HMGXB4: variants seen among roughly 807,000 people sequenced by gnomAD.
HMGXB4 encodes HMG-box containing 4.
A neutral mutation model predicts 63.9 loss-of-function variants in HMGXB4; 27 were observed. The ratio of observed to expected loss-of-function variants is 0.42; its 90% CI spans 0.31 to 0.58. The LOEUF is 0.58. Ranked by LOEUF, HMGXB4 falls within the 20% of genes least tolerant of loss-of-function variation. The pLI is 0.13. For missense variants in HMGXB4, 624 were observed against 700.7 expected, an observed-to-expected ratio of 0.89 and a Z score of 1.24; for synonymous variants, 264 against 265.3, an observed-to-expected ratio of 0.99 and a Z score of 0.05.
chr22:35,287,461 C>G lies in HMGXB4; in HGVS notation c.1468+9C>G. On this transcript the variant is annotated intron_variant, in intron 8 of 10. Transcript: ENST00000216106. ...TTCCATGAAAGTCAAAGGTAGTGAC[C>G]ACATCCCGCCCCTGCTTTTCTCTAA... 6.3e-7 allele frequency: 1 copy of G among 1,578,822 alleles called. No individual in the cohort carries two copies. The highest frequency in any genetic ancestry group is 8.7e-7 in the Non-Finnish European group (1 of 1,149,488).
At position 35,262,384 on chromosome 22, in the gene HMGXB4, GACC is replaced by G; in HGVS notation, c.-2_1del. 2 of 1,613,922 alleles carry G rather than the reference GACC, an allele frequency of 1.2e-6. No homozygotes were observed. Among genetic ancestry groups the G allele is most frequent in the Non-Finnish European group, 1.7e-6 (2 of 1,179,844 alleles). ...TGACACATTCTCAAAGGCCCTGCAG[GACC>G]ACCATGGCTTATGATGACTCCGTGA... On this transcript the variant is annotated 5_prime_UTR_variant, in exon 2 of 11. Transcript: ENST00000216106.
the HMGXB4 span, among the ~76,000 whole-genome samples, chr22:35,251,364 C>T: frequency 2.6e-5 from 4 of 152,148 alleles, no homozygotes; most frequent in South Asian, 4.1e-4. Context: ...CATAAGCCAC[C>T]GCGCCCGGCC....
At chr22:35,268,188 T>C (rs925025948) in intron 5 of HMGXB4, among the ~76,000 whole-genome samples, 3 of 152,228 alleles carry the variant, frequency 2.0e-5, no homozygotes, top group Admixed American at 2.0e-4. Context: ...TCTATCAAGA[T>C]ACAGACATTA....
chr22:35,254,905 G>T (rs188128687), upstream of HMGXB4, among the ~76,000 whole-genome samples: 58 of 152,270 alleles, frequency 3.8e-4, no homozygotes, highest in Admixed American at 1.5e-3. Context: ...ACTAAAAGAA[G>T]AAATGGGACC....
intron 3 of HMGXB4, 148 bp from the exon 4 acceptor site, chr22:35,263,648 A>C (rs1923009458): frequency 1.6e-6 from 1 of 644,308 alleles, no homozygotes. Flanking sequence ...TAATAACTTG[A>C]GAAAAGAAAA....
At chr22:35,263,915 C>T (rs1923030761) in intron 4 of HMGXB4, 41 bp downstream of exon 4, 4 of 1,600,966 alleles carry the variant, frequency 2.5e-6, no homozygotes, top group Non-Finnish European at 3.4e-6. Flanking sequence ...AAACACATCG[C>T]TGGTTCTTGG....
At chr22:35,285,847 G>A in intron 6 of HMGXB4, 150 bp from the exon 7 acceptor site, 1 of 589,508 alleles carries the variant, frequency 1.7e-6, no homozygotes, top group South Asian at 2.2e-5. Flanking sequence ...TCAAAGAAGA[G>A]TGATGGGATT....
At chr22:35,243,983 T>C in the HMGXB4 span, among the ~76,000 whole-genome samples, 6 of 152,058 alleles carry the variant, frequency 3.9e-5, no homozygotes, top group African/African-American at 9.7e-5. Flanking sequence ...GCTTTCAAGG[T>C]TTTTTTTGTA....
chr22:35,271,138 T>C (rs1336692336), intron 5 of HMGXB4, among the ~76,000 whole-genome samples: 1 of 151,764 alleles, frequency 6.6e-6, no homozygotes, highest in African/African-American at 2.4e-5. Flanking sequence ...GGCAAGCACC[T>C]GAGTTTCAGC....
intron 5 of HMGXB4, among the ~76,000 whole-genome samples, chr22:35,270,622 G>C (rs1400856946): frequency 6.6e-6 from 1 of 152,180 alleles, no homozygotes; most frequent in Non-Finnish European, 1.5e-5. Context: ...ACATAAATGA[G>C]TCTAAGAAAT....
At chr22:35,244,980 C>G in the HMGXB4 span, among the ~76,000 whole-genome samples, 1 of 152,182 alleles carries the variant, frequency 6.6e-6, no homozygotes, top group African/African-American at 2.4e-5. Context: ...CAAGGCGATT[C>G]TCCTGCCTCA....
chr22:35,256,363 A>C (rs965529829), upstream of HMGXB4, among the ~76,000 whole-genome samples: 3 of 152,310 alleles, frequency 2.0e-5, no homozygotes, highest in Middle Eastern at 3.4e-3. Flanking sequence ...TCTAGAAGCC[A>C]ATCTACATCT....
At chr22:35,247,915 G>A in the HMGXB4 span, among the ~76,000 whole-genome samples, 1 of 152,112 alleles carries the variant, frequency 6.6e-6, no homozygotes, top group Non-Finnish European at 1.5e-5. Context: ...TCTGAGAAAT[G>A]CATCATTAGG....
intron 5 of HMGXB4, among the ~76,000 whole-genome samples, chr22:35,283,394 T>G (rs1924380222): frequency 6.6e-6 from 1 of 152,174 alleles, no homozygotes; most frequent in South Asian, 2.1e-4. Flanking sequence ...GGATTGTATA[T>G]AGGGAGAAGG....
chr22:35,263,120 C>T lies in HMGXB4; in HGVS notation c.74C>T (p.Ala25Val), dbSNP rs375108602. 9 of 1,613,744 alleles carry T rather than the reference C, an allele frequency of 5.6e-6. No homozygotes were observed. Among genetic ancestry groups the T allele is most frequent in the Non-Finnish European group, 6.8e-6 (8 of 1,179,870 alleles). The change falls in exon 3 of 11, where the codon GCA becomes GTA. Residue 25 changes from alanine (A) to valine (V), a missense_variant. Coordinates refer to ENST00000216106, the MANE Select transcript of HMGXB4 (RefSeq NM_001003681.3). ...CATACCTTTGAGGACATAGGACTTG[C>T]AGCTGGCCGAAGCCAACGAGAGAAA... ...GDHTFEDIGL[A>V]AGRSQREKKR...
chr22:35,293,530 C>T (rs1381730351), intron 10 of HMGXB4, 77 bp from the exon 11 acceptor site: 1 of 957,192 alleles, frequency 1.0e-6, no homozygotes, highest in African/African-American at 1.6e-5. Flanking sequence ...TCTTATCTCT[C>T]TCCTTGAACA....
At chr22:35,245,470 A>G in the HMGXB4 span, among the ~76,000 whole-genome samples, 1 of 151,706 alleles carries the variant, frequency 6.6e-6, no homozygotes, top group Non-Finnish European at 1.5e-5. Context: ...TTGCTCACTG[A>G]AGTATCTTTA....
At chr22:35,293,161 G>C (rs1269662843) in intron 10 of HMGXB4, 47 bp downstream of exon 10, 4 of 1,611,370 alleles carry the variant, frequency 2.5e-6, no homozygotes, top group African/African-American at 1.3e-5. Flanking sequence ...GGGCGTCAGA[G>C]ATGCCCTGCC....
Position 35,263,097 on chromosome 22 carries a change from T to C in HMGXB4, c.51T>C (p.His17=). 6.2e-7 allele frequency: 1 copy of C among 1,613,784 alleles called. No individual in the cohort carries two copies. The highest frequency in any genetic ancestry group is 1.3e-5 in the African/African-American group (1 of 74,990). Reference sequence around the variant, plus strand: ...TCTCAGATTGTTTTGATGGTGATCATACCTTTGAGGACATAGGACTTGCAG... The same window carrying C: ...TCTCAGATTGTTTTGATGGTGATCACACCTTTGAGGACATAGGACTTGCAG... ...VKKEDCFDGD[H]TFEDIGLAAG... is the part of the protein sequence containing the mutation. The change falls in exon 3 of 11, where the codon CAT becomes CAC. Residue 17 remains histidine, a synonymous_variant. Coordinates refer to ENST00000216106, the MANE Select transcript of HMGXB4 (RefSeq NM_001003681.3).
Sources: gnomAD v4.1 joint callset for allele counts (sites outside exome capture counted in the v4.1 genomes callset) on GRCh38, gnomAD v4.1.1 for gene constraint, MANE v1.5 for transcripts, NCBI Gene and HGNC (gene_info 2026-07-23, HGNC 2026-07-21) for gene names.